Variants in SLC22A16 observed in about 807,000 individuals in gnomAD.
SLC22A16 encodes WUGSC:RG331P03.1.
SLC22A16 carries 53 observed loss-of-function variants against 52.9 expected under a neutral mutation model. The observed-to-expected ratio is 1.00, with a 90% CI of 0.80 to 1.26. SLC22A16 has a LOEUF of 1.26. Among genes scored for constraint, SLC22A16 ranks in the 50% most tolerant of loss-of-function variants. The probability of loss-of-function intolerance (pLI) is 0.00; values close to 1 mark genes in which losing one functional copy is unlikely to be tolerated. For synonymous variants in SLC22A16, 291 were observed against 268.8 expected (o/e 1.08, Z -0.81); for missense variants, 726 against 704.0 (o/e 1.03, Z -0.35).
At position 110,435,819 on chromosome 6, in the gene SLC22A16, T is replaced by C. The variant is rs374292507; in HGVS notation, c.1421+33A>G. The C allele has an allele frequency of 1.1e-5, 16 of 1,470,060 alleles. No homozygotes were observed. In the African/African-American group the frequency reaches 1.1e-4, roughly 10 times the overall value. The allele number at this position is 1,470,060 out of a possible 1,614,324, so 91.1% of individuals were successfully genotyped here. A position where few individuals can be genotyped will look rare whatever the true frequency, so the allele number is the denominator to read the frequency against. The stretch of plus-strand genomic sequence containing the variant: ...GAAATGACACACAAGTGAAAGATAA[T>C]AGGAAAACAACCAGAAAACAATTCA... On this transcript the variant is annotated intron_variant, in intron 6 of 7. Transcript: ENST00000368919.
intron 4 of SLC22A16, among the ~76,000 whole-genome samples, chr6:110,441,312 G>C (rs760665251): frequency 6.6e-6 from 1 of 152,222 alleles, no homozygotes; most frequent in Non-Finnish European, 1.5e-5. Flanking sequence ...CTCAATGGGT[G>C]CCAAAACAGT....
intron 7 of SLC22A16, among the ~76,000 whole-genome samples, chr6:110,430,156 C>G (rs1168952878): frequency 6.6e-6 from 1 of 151,608 alleles, no homozygotes; most frequent in Non-Finnish European, 1.5e-5. Context: ...GGCACTGGGA[C>G]CAGGCATGCA....
intron 3 of SLC22A16, 111 bp from the exon 4 acceptor site, chr6:110,442,886 C>T (rs1775033452): frequency 9.9e-6 from 9 of 906,558 alleles, no homozygotes; most frequent in South Asian, 1.8e-5. Flanking sequence ...CAAAGACTTG[C>T]TTTCTGAAAC....
chr6:110,467,682 A>G (rs1776117865), intron 1 of SLC22A16, among the ~76,000 whole-genome samples: 1 of 152,250 alleles, frequency 6.6e-6, no homozygotes, highest in Admixed American at 6.5e-5. Flanking sequence ...CCCATCAGTT[A>G]AATTTTAAAA....
chr6:110,451,122 A>G (rs1350812533), intron 2 of SLC22A16, among the ~76,000 whole-genome samples: 1 of 152,202 alleles, frequency 6.6e-6, no homozygotes, highest in African/African-American at 2.4e-5. Context: ...AGATTCATCT[A>G]TGTTGTTTCA....
intron 1 of SLC22A16, among the ~76,000 whole-genome samples, chr6:110,458,009 G>A (rs909167766): frequency 1.3e-5 from 2 of 152,192 alleles, no homozygotes; most frequent in Non-Finnish European, 1.5e-5. Context: ...CTGTGATGCT[G>A]TGCTTCAGTG....
intron 3 of SLC22A16, among the ~76,000 whole-genome samples, chr6:110,444,349 A>T (rs2114945195): frequency 6.6e-6 from 1 of 152,298 alleles, no homozygotes; most frequent in African/African-American, 2.4e-5. Flanking sequence ...CAAATCATAC[A>T]ATTAACTTTT....
chr6:110,466,861 C>T (rs1273132746), intron 1 of SLC22A16, among the ~76,000 whole-genome samples: 1 of 151,360 alleles, frequency 6.6e-6, no homozygotes, highest in African/African-American at 2.4e-5. Flanking sequence ...ATTGCAAAGC[C>T]AAAGAATCAA....
In SLC22A16 at chr6:110,442,247, G is replaced by C. The variant is rs138778148; in HGVS notation, c.1180C>G (p.Leu394Val). ...GGNEYLNLFLLGVVEIPAYTF... is the reference protein window; with the variant it reads ...GGNEYLNLFLVGVVEIPAYTF... ...TAAATATACTGTAACTACTTACCCA[G>C]GAGGAAGAGGTTTAAGTATTCATTG... Residue 394 changes from leucine (L) to valine (V), a missense_variant, in exon 4 of 8, where the codon CTG (leucine) becomes GTG (valine). Coordinates refer to ENST00000368919, the MANE Select transcript of SLC22A16 (RefSeq NM_033125.4). The C allele has an allele frequency of 4.9e-5, 79 of 1,613,118 alleles. No homozygotes were observed. The African/African-American group carries it at 8.4e-4, about 17-fold the overall frequency.
At chr6:110,474,987 T>C (rs1340264570) in intron 1 of SLC22A16, 1 of 519,008 alleles carries the variant, frequency 1.9e-6, no homozygotes, top group South Asian at 1.4e-5. Context: ...ATATACACAT[T>C]TTCACTACTC....
chr6:110,434,353 T>C (rs575995940), intron 6 of SLC22A16, among the ~76,000 whole-genome samples: 7 of 152,190 alleles, frequency 4.6e-5, no homozygotes, highest in Non-Finnish European at 7.4e-5. Flanking sequence ...GTCTCAGCTG[T>C]CTTATCTGGA....
chr6:110,433,260 A>G (rs897158167), intron 6 of SLC22A16, among the ~76,000 whole-genome samples: 1 of 152,150 alleles, frequency 6.6e-6, no homozygotes, highest in Non-Finnish European at 1.5e-5. Flanking sequence ...TCTTAGATAT[A>G]TATGTGTACC....
chr6:110,454,631 T>A (rs1175944772), intron 2 of SLC22A16, among the ~76,000 whole-genome samples: 1 of 51,138 alleles, frequency 2.0e-5, no homozygotes, highest in Non-Finnish European at 3.1e-5. Flanking sequence ...AATATATATT[T>A]ATATATATTA....
At chr6:110,471,589 C>G (rs1017834989) in intron 1 of SLC22A16, among the ~76,000 whole-genome samples, 3 of 152,192 alleles carry the variant, frequency 2.0e-5, no homozygotes, top group African/African-American at 7.2e-5. Flanking sequence ...GGGTGGATCT[C>G]ACAAACACAG....
In SLC22A16 at chr6:110,425,317, A is replaced by G. The variant is rs749935781; in HGVS notation, c.1522-232T>C. ...CTCATTCATTCCTTCATGACCCACCATGGAGTGCCTCCTTAATTGCCAGCT... is the reference window on the plus strand; with the variant it reads ...CTCATTCATTCCTTCATGACCCACCGTGGAGTGCCTCCTTAATTGCCAGCT... On this transcript the variant is annotated intron_variant, in intron 7 of 7. Coordinates refer to ENST00000368919, the MANE Select transcript of SLC22A16 (RefSeq NM_033125.4). 5 of 1,474,954 alleles carry G rather than the reference A, an allele frequency of 3.4e-6. No homozygotes were observed. In the African/African-American group the frequency reaches 4.2e-5, roughly 12 times the overall value. The allele number at this position is 1,474,954 out of a possible 1,614,324, so 91.4% of individuals were successfully genotyped here. A position where few individuals can be genotyped will look rare whatever the true frequency, so the allele number is the denominator to read the frequency against.
intron 3 of SLC22A16, among the ~76,000 whole-genome samples, chr6:110,444,634 G>A (rs183007404): frequency 6.6e-6 from 1 of 152,302 alleles, no homozygotes; most frequent in African/African-American, 2.4e-5. Context: ...GTCACAAAGA[G>A]GCCGGCCTAC....
chr6:110,424,886 C>G lies in SLC22A16; in HGVS notation c.1721G>C (p.Gly574Ala). Residue 574 changes from glycine (G) to alanine (A), a missense_variant, in exon 8 of 8, where the codon GGT (glycine) becomes GCT (alanine). Physicochemically the swap from Gly to Ala is moderately conservative, Grantham distance 60 (BLOSUM62 0). Transcript: ENST00000368919. ...GGCATGGCACATTTATTCACCAAGA[C>G]CAGAATCCCTGGGGGTAATCGCTTC... ...KTEAITPRDS[G>A]LGE 1 of 1,614,130 alleles carries G rather than the reference C, an allele frequency of 6.2e-7. No homozygotes were observed. The highest frequency in any genetic ancestry group is 8.5e-7 in the Non-Finnish European group (1 of 1,180,014).
intron 4 of SLC22A16, 82 bp from the exon 5 acceptor site, chr6:110,438,929 A>C: frequency 1.3e-6 from 2 of 1,549,614 alleles, no homozygotes; most frequent in Non-Finnish European, 1.8e-6. Context: ...CACTACCCAA[A>C]AGGCATGAGC....
In SLC22A16 at chr6:110,474,913, A is replaced by T; in HGVS notation, c.53+1609T>A. 5.8e-6 allele frequency: 3 copies of T among 518,886 alleles called. No individual in the cohort carries two copies. In the Middle Eastern group the frequency reaches 9.5e-4, roughly 165 times the overall value. 32.1% of individuals were successfully genotyped at this position (518,886 alleles called of 1,614,324 possible). A position where few individuals can be genotyped will look rare whatever the true frequency, so the allele number is the denominator to read the frequency against. On this transcript the variant is annotated intron_variant, in intron 1 of 7. Transcript: ENST00000368919. ...ATCCCTAAAAAACACAGGGGAACTAAGATGTAAGTACCACCTACCTCATTG... is the reference window on the plus strand; with the variant it reads ...ATCCCTAAAAAACACAGGGGAACTATGATGTAAGTACCACCTACCTCATTG...
Sources: allele counts gnomAD v4.1 joint callset (sites outside exome capture counted in the v4.1 genomes callset), GRCh38; gene constraint gnomAD v4.1.1; transcripts MANE v1.5; gene names NCBI Gene and HGNC (gene_info 2026-07-23, HGNC 2026-07-21).